The following TTC39B variants were observed in gnomAD, a reference collection of about 807,000 sequenced individuals.
TTC39B encodes the protein tetratricopeptide repeat domain 39B, also known as tetratricopeptide repeat protein 39B.
Under a neutral mutation model 96.6 loss-of-function variants are expected in TTC39B, and 92 were observed. That is an observed-to-expected ratio of 0.95 (90% CI 0.80 to 1.13). TTC39B has a LOEUF of 1.13. Among genes scored for constraint, TTC39B ranks in the 50% most tolerant of loss-of-function variants. The probability of loss-of-function intolerance (pLI) is 0.00; values close to 1 mark genes in which losing one functional copy is unlikely to be tolerated. For missense variants in TTC39B, 955 were observed against 809.3 expected, an observed-to-expected ratio of 1.18 and a Z score of -2.18; for synonymous variants, 367 against 299.4, an observed-to-expected ratio of 1.23 and a Z score of -2.33.
chr9:15,195,114 T>C (rs1383234481), intron 8 of TTC39B, among the ~76,000 whole-genome samples: 1 of 152,218 alleles, frequency 6.6e-6, no homozygotes, highest in Non-Finnish European at 1.5e-5. Flanking sequence ...AGAAAAGTTC[T>C]TGAAGAAAAT....
chr9:15,219,901 A>G lies in TTC39B; in HGVS notation c.372-5652T>C, dbSNP rs139806336. Among the ~76,000 whole-genome samples the G allele has an allele frequency of 2.1e-3, 322 of 152,280 alleles. 1 individual carries two copies. Among genetic ancestry groups the G allele is most frequent in the African/African-American group, 7.4e-3 (309 of 41,566 alleles). On this transcript the variant is annotated intron_variant, in intron 3 of 19. Transcript: ENST00000512701. Reference sequence around the variant, plus strand: ...GGGAGGCCTGCACTTTAGGGCTGAAATTCCATTCAGAGCTATGTCAAAAAG... The same window carrying G: ...GGGAGGCCTGCACTTTAGGGCTGAAGTTCCATTCAGAGCTATGTCAAAAAG...
At chr9:15,209,966 A>C in intron 6 of TTC39B, 122 bp downstream of exon 6, 1 of 703,322 alleles carries the variant, frequency 1.4e-6, no homozygotes, top group Non-Finnish European at 2.4e-6. Flanking sequence ...CCAGAGGGTG[A>C]GTATGATAGG....
intron 2 of TTC39B, among the ~76,000 whole-genome samples, chr9:15,264,416 G>C (rs1188406677): frequency 6.6e-6 from 1 of 152,126 alleles, no homozygotes; most frequent in Non-Finnish European, 1.5e-5. Flanking sequence ...CTTTGGGGGA[G>C]GCCAAGGCAG....
chr9:15,277,891 G>T (rs1421119852), intron 1 of TTC39B, among the ~76,000 whole-genome samples: 1 of 152,224 alleles, frequency 6.6e-6, no homozygotes, highest in East Asian at 1.9e-4. Context: ...TAGCTAGCTA[G>T]TGTTAAATGC....
At chr9:15,300,498 G>A (rs774934916) in intron 1 of TTC39B, among the ~76,000 whole-genome samples, 8 of 152,102 alleles carry the variant, frequency 5.3e-5, no homozygotes, top group Non-Finnish European at 1.2e-4. Flanking sequence ...ACAGCCTTTT[G>A]TCCTCCTTCT....
At chr9:15,263,569 T>C (rs967777949) in intron 2 of TTC39B, among the ~76,000 whole-genome samples, 1 of 152,236 alleles carries the variant, frequency 6.6e-6, no homozygotes, top group African/African-American at 2.4e-5. Context: ...TGCCATTTTT[T>C]GTCATCACCA....
chr9:15,167,028 A>ATATATATT (rs1554758710), exon 20 of TTC39B: 1 of 11,036 alleles, frequency 9.1e-5, no homozygotes, highest in African/African-American at 2.9e-4. Flanking sequence ...ATATATATAT[A>ATATATATT]TTTTTTTTTT....
At chr9:15,240,855 C>G (rs1822006369) in intron 2 of TTC39B, among the ~76,000 whole-genome samples, 1 of 152,152 alleles carries the variant, frequency 6.6e-6, no homozygotes. Context: ...TTTATCTTTT[C>G]TATTTCCTGC....
chr9:15,290,993 G>A (rs549928682), intron 1 of TTC39B, among the ~76,000 whole-genome samples: 7 of 152,192 alleles, frequency 4.6e-5, no homozygotes, highest in African/African-American at 7.2e-5. Context: ...AAAGCTGGGC[G>A]TGTTTAAGTG....
intron 1 of TTC39B, among the ~76,000 whole-genome samples, chr9:15,302,404 C>G (rs1201578876): frequency 6.7e-6 from 1 of 149,786 alleles, no homozygotes; most frequent in Non-Finnish European, 1.5e-5. Context: ...ATCACAAGGT[C>G]AGGAGTTCGA....
intron 1 of TTC39B, among the ~76,000 whole-genome samples, chr9:15,287,762 C>T (rs1462495556): frequency 1.3e-5 from 2 of 151,906 alleles, no homozygotes; most frequent in South Asian, 2.1e-4. Context: ...TTGGCTAACA[C>T]GGTGAAACCC....
At chr9:15,227,293 A>G (rs1283000036) in intron 2 of TTC39B, among the ~76,000 whole-genome samples, 1 of 149,926 alleles carries the variant, frequency 6.7e-6, no homozygotes, top group Non-Finnish European at 1.5e-5. Flanking sequence ...GGGCGACAAG[A>G]GCAAAACTCC....
At chr9:15,256,460 C>T (rs1822755015) in intron 2 of TTC39B, among the ~76,000 whole-genome samples, 1 of 152,100 alleles carries the variant, frequency 6.6e-6, no homozygotes. Flanking sequence ...TACTGAGCAC[C>T]TACTATGTGA....
chr9:15,229,848 G>T (rs562537776), intron 2 of TTC39B, among the ~76,000 whole-genome samples: 1 of 152,086 alleles, frequency 6.6e-6, no homozygotes, highest in East Asian at 1.9e-4. Context: ...CTTTTTGTGG[G>T]GTTGTTATTA....
chr9:15,250,112 A>C (rs1822466585), intron 2 of TTC39B: 2 of 1,253,096 alleles, frequency 1.6e-6, no homozygotes, highest in Admixed American at 2.7e-5. Flanking sequence ...AGGCACAAGC[A>C]AAGTAGTTGC....
At chr9:15,294,442 T>A (rs766770564) in intron 1 of TTC39B, among the ~76,000 whole-genome samples, 1 of 152,224 alleles carries the variant, frequency 6.6e-6, no homozygotes, top group Non-Finnish European at 1.5e-5. Context: ...CCAAAATGTT[T>A]GGAGAAAACA....
chr9:15,190,494 A>C (rs1818792571), intron 11 of TTC39B, 60 bp downstream of exon 11: 1 of 1,487,114 alleles, frequency 6.7e-7, no homozygotes, highest in Non-Finnish European at 9.4e-7. Context: ...TACAGGTGTA[A>C]CACACCATGT....
intron 1 of TTC39B, among the ~76,000 whole-genome samples, chr9:15,303,095 G>A (rs981380953): frequency 6.6e-6 from 1 of 152,000 alleles, no homozygotes; most frequent in African/African-American, 2.4e-5. Flanking sequence ...TTGAACCCAG[G>A]AGGCAGAGGT....
At chr9:15,166,554 C>T (rs1817519994) in exon 20 of TTC39B, 1 of 152,160 alleles carries the variant, frequency 6.6e-6, no homozygotes, top group Non-Finnish European at 1.5e-5. Flanking sequence ...ATAGCAGCTG[C>T]TCAACATAAA....
Sources: allele counts gnomAD v4.1 joint callset (sites outside exome capture counted in the v4.1 genomes callset), GRCh38; gene constraint gnomAD v4.1.1; transcripts MANE v1.5; gene names NCBI Gene and HGNC (gene_info 2026-07-23, HGNC 2026-07-21).